LRP1B: variants seen among roughly 807,000 people sequenced by gnomAD.
The protein encoded by LRP1B is low-density lipoprotein receptor-related protein 1B.
Under a neutral mutation model 556.6 loss-of-function variants are expected in LRP1B, and 217 were observed. That is an observed-to-expected ratio of 0.39 (90% CI 0.35 to 0.44). The LOEUF (loss-of-function observed/expected upper bound fraction) is 0.44. Ranked by LOEUF, LRP1B falls within the 20% of genes least tolerant of loss-of-function variation. The probability of loss-of-function intolerance (pLI) is 1.00; values close to 1 mark genes in which losing one functional copy is unlikely to be tolerated. For missense variants in LRP1B, 5,053 were observed against 5,620.8 expected, an observed-to-expected ratio of 0.90 and a Z score of 3.23; for synonymous variants, 2,047 against 1,865.8, an observed-to-expected ratio of 1.10 and a Z score of -2.50.
intron 43 of LRP1B, among the ~76,000 whole-genome samples, chr2:140,584,360 G>A (rs62171941): frequency 0.25 from 37,021 of 149,178 alleles, 4,732 homozygotes; most frequent in Admixed American, 0.31. Context: ...CAGTTTGTAA[G>A]CAAAGTTAAT....
chr2:141,984,880 T>G (rs573359424), intron 1 of LRP1B, among the ~76,000 whole-genome samples: 1 of 152,234 alleles, frequency 6.6e-6, no homozygotes, highest in South Asian at 2.1e-4. Flanking sequence ...GCAATTAACT[T>G]CATCTCATAT....
intron 1 of LRP1B, among the ~76,000 whole-genome samples, chr2:142,095,789 T>C (rs977493780): frequency 1.3e-5 from 2 of 151,746 alleles, no homozygotes; most frequent in African/African-American, 2.4e-5. Context: ...ATGTATAATG[T>C]GATTATTTTT....
intron 16 of LRP1B, among the ~76,000 whole-genome samples, chr2:140,990,980 T>C (rs1376175747): frequency 1.3e-5 from 2 of 152,154 alleles, no homozygotes; most frequent in Non-Finnish European, 2.9e-5. Context: ...TTCTTTAAAG[T>C]AGCTTTGTTG....
chr2:140,647,807 G>A (rs1359142499), intron 41 of LRP1B, among the ~76,000 whole-genome samples: 1 of 152,224 alleles, frequency 6.6e-6, no homozygotes, highest in African/African-American at 2.4e-5. Flanking sequence ...TGGAGAGGAT[G>A]TATAGAAATA....
At chr2:142,059,449 G>T (rs534710580) in intron 1 of LRP1B, among the ~76,000 whole-genome samples, 1 of 152,124 alleles carries the variant, frequency 6.6e-6, no homozygotes, top group East Asian at 1.9e-4. Context: ...TTGACAAAAT[G>T]GTTTTTGGGG....
At chr2:141,778,092 T>C (rs1450057787) in intron 2 of LRP1B, among the ~76,000 whole-genome samples, 1 of 152,094 alleles carries the variant, frequency 6.6e-6, no homozygotes, top group Admixed American at 6.5e-5. Context: ...CCAAATAGCA[T>C]TGGGAGAGTT....
chr2:140,697,717 T>C (rs964887265), intron 41 of LRP1B, among the ~76,000 whole-genome samples: 8 of 152,080 alleles, frequency 5.3e-5, no homozygotes, highest in African/African-American at 1.9e-4. Context: ...TCCACTTATA[T>C]GAAATATCTA....
intron 77 of LRP1B, among the ~76,000 whole-genome samples, chr2:140,342,224 C>T (rs1681431521): frequency 1.3e-5 from 2 of 151,046 alleles, no homozygotes; most frequent in South Asian, 4.1e-4. Flanking sequence ...ACTCACATTT[C>T]CTGTTAGGCA....
intron 2 of LRP1B, among the ~76,000 whole-genome samples, chr2:141,671,954 G>GTGTC (rs1307293292): frequency 6.6e-6 from 1 of 151,834 alleles, no homozygotes; most frequent in African/African-American, 2.4e-5. Flanking sequence ...GACCAACAGG[G>GTGTC]TGTCTGTCTC....
chr2:141,362,817 TAAA>T (rs372926853), intron 3 of LRP1B, among the ~76,000 whole-genome samples: 9,388 of 138,854 alleles, frequency 0.068, 403 homozygotes, highest in African/African-American at 0.11. Context: ...TTGCATTAAT[TAAA>T]AAAAAAAAAA....
intron 3 of LRP1B, among the ~76,000 whole-genome samples, chr2:141,348,159 T>A (rs2105532243): frequency 6.6e-6 from 1 of 152,224 alleles, no homozygotes; most frequent in Admixed American, 6.5e-5. Flanking sequence ...CTAACTGCTA[T>A]GTCTGAATCA....
In LRP1B at chr2:141,624,036, C is replaced by CAAAAAAA; in HGVS notation, c.206-143510_206-143504dup. Among the ~76,000 whole-genome samples the CAAAAAAA allele has an allele frequency of 2.3e-3, 213 of 90,704 alleles. 9 individuals carry two copies. The highest frequency in any genetic ancestry group is 0.016 in the East Asian group (42 of 2,702). 59.5% of individuals were successfully genotyped at this position (90,704 alleles called of 152,430 possible). Reference sequence around the variant, plus strand: ...AACTCAAAAAAAAAAAAAAATTAAACAAAAAAAAAAAGAAAAGAAAAAAAA... The same window carrying CAAAAAAA: ...AACTCAAAAAAAAAAAAAAATTAAACAAAAAAAAAAAAAAAAAAGAAAAGAAAAAAAA... On this transcript the variant is annotated intron_variant, in intron 2 of 90. Transcript: ENST00000389484.
At chr2:141,452,732 C>T (rs1478409668) in intron 3 of LRP1B, among the ~76,000 whole-genome samples, 2 of 152,170 alleles carry the variant, frequency 1.3e-5, no homozygotes, top group African/African-American at 2.4e-5. Flanking sequence ...TCCTCAGTCA[C>T]CCCTGGATGA....
chr2:141,029,510 T>G (rs1313412753), intron 11 of LRP1B, among the ~76,000 whole-genome samples: 1 of 152,132 alleles, frequency 6.6e-6, no homozygotes, highest in Non-Finnish European at 1.5e-5. Context: ...GACTGCTGTG[T>G]AACTGCTAGC....
chr2:141,709,159 A>C (rs1280752779), intron 2 of LRP1B, among the ~76,000 whole-genome samples: 1 of 151,880 alleles, frequency 6.6e-6, no homozygotes, highest in Non-Finnish European at 1.5e-5. Flanking sequence ...GACCAGCCTG[A>C]GCAATATGGT....
chr2:140,568,990 G>A (rs1681224335), intron 43 of LRP1B, among the ~76,000 whole-genome samples: 1 of 151,988 alleles, frequency 6.6e-6, no homozygotes, highest in Admixed American at 6.6e-5. Flanking sequence ...ATGCTCAAGT[G>A]AGTCCTACAT....
chr2:140,551,310 G>T lies in LRP1B; in HGVS notation c.7195-9339C>A, dbSNP rs201527300. ...CTGCTCTGGTATGCCATCTAAGATT[G>T]TCCTGGGAAAGGGAAGGGCAAATAA... On this transcript the variant is annotated intron_variant, in intron 43 of 90. Coordinates refer to ENST00000389484, the MANE Select transcript of LRP1B (RefSeq NM_018557.3). Among the ~76,000 whole-genome samples the T allele has an allele frequency of 3.6e-3, 553 of 152,242 alleles. 6 individuals are homozygous for T. Among genetic ancestry groups the T allele is most frequent in the East Asian group, 0.034 (175 of 5,172 alleles).
rs546656801 is a variant in LRP1B, at chr2:140,899,003, A to C, written c.3766+3917T>G. ...TGTCTTGAGCTCAGCATGCTTTCAC[A>C]GAGCATCTGCAGTGATTGCCAGATC... is the stretch of plus-strand genomic sequence containing the variant. On this transcript the variant is annotated intron_variant, in intron 23 of 90. Coordinates refer to ENST00000389484, the MANE Select transcript of LRP1B (RefSeq NM_018557.3). 4.6e-5 allele frequency: 17 copies of C among 365,910 alleles called. 1 individual carries two copies. Among genetic ancestry groups the C allele is most frequent in the South Asian group, 4.0e-4 (17 of 42,324 alleles). 22.7% of individuals were successfully genotyped at this position (365,910 alleles called of 1,614,324 possible). A position where few individuals can be genotyped will look rare whatever the true frequency, so the allele number is the denominator to read the frequency against.
intron 1 of LRP1B, among the ~76,000 whole-genome samples, chr2:141,997,435 GTGTGTA>G (rs1484064174): frequency 2.3e-4 from 3 of 12,898 alleles, no homozygotes; most frequent in Admixed American, 1.3e-3. Flanking sequence ...GTGTGTGTGT[GTGTGTA>G]TATACACACA....
Sources: allele counts gnomAD v4.1 joint callset (sites outside exome capture counted in the v4.1 genomes callset), GRCh38; gene constraint gnomAD v4.1.1; transcripts MANE v1.5; gene names NCBI Gene and HGNC (gene_info 2026-07-23, HGNC 2026-07-21).